CDON: variants seen among roughly 807,000 people sequenced by gnomAD.
The protein encoded by CDON is cell adhesion molecule-related/down-regulated by oncogenes.
CDON carries 73 observed loss-of-function variants against 120.9 expected under a neutral mutation model. The observed-to-expected ratio is 0.60, with a 90% CI of 0.50 to 0.73. The LOEUF (loss-of-function observed/expected upper bound fraction) is 0.73, where lower values mean the gene tolerates loss of function less well. CDON is among the 30% of genes least tolerant of loss of function. The pLI is 0.00. For synonymous variants in CDON, 566 were observed against 573.5 expected (o/e 0.99, Z 0.19); for missense variants, 1,470 against 1,587.3 (o/e 0.93, Z 1.26).
intron 1 of CDON, among the ~76,000 whole-genome samples, chr11:126,025,103 G>T (rs898022350): frequency 6.6e-6 from 1 of 152,152 alleles, no homozygotes; most frequent in Non-Finnish European, 1.5e-5. Flanking sequence ...TACTCGGGAG[G>T]CTGAGGCAGG....
At chr11:125,964,957 CG>C (rs1945751610) in intron 18 of CDON, among the ~76,000 whole-genome samples, 1 of 152,162 alleles carries the variant, frequency 6.6e-6, no homozygotes. Flanking sequence ...GAAGGAGTCT[CG>C]CTCCGTTGCC....
intron 5 of CDON, 73 bp from the exon 6 acceptor site, chr11:126,017,448 G>T (rs969025635): frequency 7.0e-5 from 99 of 1,413,024 alleles, no homozygotes; most frequent in Admixed American, 1.6e-4. Flanking sequence ...AAACCTGTGG[G>T]CATCACCATT....
At chr11:126,030,311 T>C (rs1206846024) in intron 1 of CDON, among the ~76,000 whole-genome samples, 1 of 152,224 alleles carries the variant, frequency 6.6e-6, no homozygotes, top group African/African-American at 2.4e-5. Context: ...TTGGGAAAAG[T>C]CTTTCCTGAA....
In CDON at chr11:125,983,926, T is replaced by C. The variant is rs1437754919; in HGVS notation, c.2941A>G (p.Met981Val). Residue 981 changes from methionine (M) to valine (V), a missense_variant, in exon 16 of 20, where the codon ATG (methionine) becomes GTG (valine). Physicochemically the swap from Met to Val is conservative, Grantham distance 21. Coordinates refer to ENST00000531738, the MANE Select transcript of CDON (RefSeq NM_001378964.1). ...CACAGGCACATTGCAATGAAAACCATCAGAATGAGGACCATGACGCCCAGC... is the reference window on the plus strand; with the variant it reads ...CACAGGCACATTGCAATGAAAACCACCAGAATGAGGACCATGACGCCCAGC... ...CVLGVMVLIL[M>V]VFIAMCLWKN... 1 of 1,614,110 alleles carries C rather than the reference T, an allele frequency of 6.2e-7. No individual in the cohort carries two copies. Among genetic ancestry groups the C allele is most frequent in the South Asian group, 1.1e-5 (1 of 91,066 alleles).
At chr11:126,008,578 G>A (rs750213556) in intron 8 of CDON, among the ~76,000 whole-genome samples, 5 of 152,124 alleles carry the variant, frequency 3.3e-5, no homozygotes, top group Non-Finnish European at 5.9e-5. Context: ...AGGTGAGGAA[G>A]TTCGACAAAA....
intron 11 of CDON, among the ~76,000 whole-genome samples, chr11:125,998,157 C>T (rs1237769523): frequency 6.6e-6 from 1 of 152,196 alleles, no homozygotes; most frequent in Non-Finnish European, 1.5e-5. Context: ...ATGGTCTAGA[C>T]TCTGCAGGAG....
chr11:125,994,216 T>C lies in CDON; in HGVS notation c.2650+68A>G, dbSNP rs1946709992. The C allele has an allele frequency of 2.4e-5, 20 of 834,852 alleles. No individual in the cohort carries two copies. In the South Asian group the frequency reaches 2.6e-4, roughly 11 times the overall value. 51.7% of individuals were successfully genotyped at this position (834,852 alleles called of 1,614,324 possible). A position where few individuals can be genotyped will look rare whatever the true frequency, so the allele number is the denominator to read the frequency against. On this transcript the variant is annotated intron_variant, in intron 14 of 19. Transcript: ENST00000531738. The stretch of plus-strand genomic sequence containing the variant: ...TACTGTCTTAATTTGGGATGATGCA[T>C]TTTATATTCATAAACCTTCTTTCTC...
At position 126,021,251 on chromosome 11, in the gene CDON, C is replaced by A; in HGVS notation, c.346G>T (p.Ala116Ser). Residue 116 changes from alanine (A) to serine (S), a missense_variant, in exon 3 of 20, where the codon GCA (alanine) becomes TCA (serine). By Grantham distance (99) the Ala-to-Ser change is moderately conservative. Coordinates refer to ENST00000531738, the MANE Select transcript of CDON (RefSeq NM_001378964.1). ...ACAGGGACAAAATTAAACTCACCTGCCACAGATACTGTCGCAGGGCCACTC... is the reference window on the plus strand; with the variant it reads ...ACAGGGACAAAATTAAACTCACCTGACACAGATACTGTCGCAGGGCCACTC... ...IVSGPATVSV[A>S]VLGDFGSSTK... 1 of 1,613,886 alleles carries A rather than the reference C, an allele frequency of 6.2e-7. No homozygotes were observed. Among genetic ancestry groups the A allele is most frequent in the South Asian group, 1.1e-5 (1 of 91,018 alleles).
rs144518857 is a variant in CDON at position 126,045,966 on chromosome 11, G to A, written c.-62+16613C>T. ...GCCTGGGCAACAAGAGCGAAACTCC[G>A]TCCTAAAAAAAAAACAAAAACAAAA... is the stretch of plus-strand genomic sequence containing the variant. On this transcript the variant is annotated intron_variant, in intron 1 of 19. Coordinates refer to ENST00000531738, the MANE Select transcript of CDON (RefSeq NM_001378964.1). Among the ~76,000 whole-genome samples, 558 of 151,112 alleles carry A rather than the reference G, an allele frequency of 3.7e-3. 8 individuals are homozygous for A. The highest frequency in any genetic ancestry group is 0.012 in the African/African-American group (484 of 40,946).
intron 14 of CDON, among the ~76,000 whole-genome samples, chr11:125,990,454 C>G (rs1040415647): frequency 1.3e-5 from 2 of 152,212 alleles, no homozygotes. Context: ...CACTCCTAAA[C>G]TGAACACTCC....
intron 18 of CDON, among the ~76,000 whole-genome samples, chr11:125,972,054 G>A (rs1406231820): frequency 6.6e-6 from 1 of 152,232 alleles, no homozygotes; most frequent in Admixed American, 6.5e-5. Context: ...TCTGGTGTAA[G>A]GAACTGGCTC....
intron 17 of CDON, among the ~76,000 whole-genome samples, chr11:125,979,247 C>T (rs770741111): frequency 2.0e-5 from 3 of 152,148 alleles, no homozygotes; most frequent in African/African-American, 4.8e-5. Context: ...AGAATACTTT[C>T]CATTTCCATT....
chr11:126,025,531 G>GGT (rs66968762), intron 1 of CDON, among the ~76,000 whole-genome samples: 25,841 of 150,538 alleles, frequency 0.17, 2,465 homozygotes, highest in Middle Eastern at 0.25. Context: ...GTTTGTGGGG[G>GGT]GTGTGTGTGT....
At chr11:126,018,579 T>C in intron 4 of CDON, 106 bp from the exon 5 acceptor site, 1 of 990,168 alleles carries the variant, frequency 1.0e-6, no homozygotes, top group Non-Finnish European at 1.6e-6. Flanking sequence ...CATCTTATTT[T>C]ATTTTAGAGA....
rs1167787261 is a variant in CDON, at chr11:126,062,728, C to A, written c.-211G>T. ...GGGCCCCTCCATGCACCGCGCAGGG[C>A]AGAGGAGGGAGCGGCGCCTCGCACG... On this transcript the variant is annotated 5_prime_UTR_variant, in exon 1 of 20. Transcript: ENST00000531738. 3.3e-5 allele frequency: 5 copies of A among 152,048 alleles called. No homozygotes were observed. The highest frequency in any genetic ancestry group is 1.2e-4 in the African/African-American group (5 of 41,326). The allele number at this position is 152,048 out of a possible 1,614,324, so 9.4% of individuals were successfully genotyped here. A position where few individuals can be genotyped will look rare whatever the true frequency, so the allele number is the denominator to read the frequency against.
intron 3 of CDON, among the ~76,000 whole-genome samples, chr11:126,020,940 A>C (rs541414585): frequency 6.6e-6 from 1 of 152,272 alleles, no homozygotes; most frequent in South Asian, 2.1e-4. Context: ...AATTGTTCAG[A>C]ATTCACATTT....
intron 12 of CDON, among the ~76,000 whole-genome samples, chr11:125,995,977 A>G (rs1946769321): frequency 6.6e-6 from 1 of 152,182 alleles, no homozygotes; most frequent in Admixed American, 6.5e-5. Context: ...TATAGCCTCA[A>G]GATTCTTGTG....
chr11:126,059,915 G>A (rs1948756544), intron 1 of CDON, among the ~76,000 whole-genome samples: 2 of 151,290 alleles, frequency 1.3e-5, no homozygotes, highest in Non-Finnish European at 2.9e-5. Context: ...CAAGCAATGA[G>A]GGAAAACTTG....
At chr11:126,019,273 A>G (rs1226039532) in intron 4 of CDON, among the ~76,000 whole-genome samples, 1 of 152,196 alleles carries the variant, frequency 6.6e-6, no homozygotes, top group Non-Finnish European at 1.5e-5. Context: ...ACAATAATAA[A>G]CTAACAGAAA....
Sources: gnomAD v4.1 joint callset for allele counts (sites outside exome capture counted in the v4.1 genomes callset) on GRCh38, gnomAD v4.1.1 for gene constraint, MANE v1.5 for transcripts, NCBI Gene and HGNC (gene_info 2026-07-23, HGNC 2026-07-21) for gene names.